PTPRN2: variants seen among roughly 807,000 people sequenced by gnomAD.
The protein encoded by PTPRN2 is protein tyrosine phosphatase receptor type N2.
In PTPRN2, 74 loss-of-function variants were observed where a neutral mutation model predicts 118.8. The ratio of observed to expected loss-of-function variants is 0.62; its 90% CI spans 0.52 to 0.76. The LOEUF is 0.76. PTPRN2 is among the 30% of genes least tolerant of loss of function. PTPRN2 has a pLI of 0.00. For missense variants in PTPRN2, 1,481 were observed against 1,394.4 expected (o/e 1.06, Z -0.99); for synonymous variants, 641 against 608.0 (o/e 1.05, Z -0.80).
chr7:157,651,556 C>A (rs1008299726), intron 14 of PTPRN2, among the ~76,000 whole-genome samples: 1 of 152,152 alleles, frequency 6.6e-6, no homozygotes, highest in Non-Finnish European at 1.5e-5. Context: ...CCGACTCAGG[C>A]GTAATTAGTC....
chr7:158,107,991 C>A (rs764738437), intron 10 of PTPRN2, among the ~76,000 whole-genome samples: 1 of 150,524 alleles, frequency 6.6e-6, no homozygotes, highest in Non-Finnish European at 1.5e-5. Flanking sequence ...TGGATCTCTG[C>A]ACCTCTGCTG....
intron 11 of PTPRN2, among the ~76,000 whole-genome samples, chr7:158,077,528 ATTCAGGGTCAGCACAGGAGCCCC>A (rs1563401800): frequency 0.012 from 1,008 of 83,152 alleles, 4 homozygotes; most frequent in African/African-American, 0.042. Flanking sequence ...TCACCCCACC[ATTCAGGGTCAGCACAGGAGCCCC>A]CTATGAGCCA....
intron 3 of PTPRN2, among the ~76,000 whole-genome samples, chr7:158,247,424 GC>G (rs201238348): frequency 8.3e-5 from 5 of 60,270 alleles, no homozygotes; most frequent in Admixed American, 3.7e-4. Context: ...GGAAGGAGTG[GC>G]CAGGGGTGCC....
intron 6 of PTPRN2, among the ~76,000 whole-genome samples, chr7:158,166,491 A>G (rs201808672): frequency 6.3e-4 from 16 of 25,598 alleles, no homozygotes; most frequent in Admixed American, 2.7e-3. Flanking sequence ...CTGTCCTCAC[A>G]CCCTCAGGAT....
intron 12 of PTPRN2, among the ~76,000 whole-genome samples, chr7:157,847,471 C>G (rs1280819811): frequency 1.0e-5 from 1 of 98,684 alleles, no homozygotes; most frequent in Non-Finnish European, 2.1e-5. Flanking sequence ...CTCCATCATG[C>G]GTGCCCGATG....
chr7:158,005,463 A>G (rs1236237971), intron 11 of PTPRN2, among the ~76,000 whole-genome samples: 2 of 152,226 alleles, frequency 1.3e-5, no homozygotes, highest in Non-Finnish European at 2.9e-5. Flanking sequence ...AAAAAATGCA[A>G]AGAGAAAGGT....
chr7:158,389,588 TG>T (rs1811763742), intron 2 of PTPRN2, among the ~76,000 whole-genome samples: 1 of 152,250 alleles, frequency 6.6e-6, no homozygotes, highest in Non-Finnish European at 1.5e-5. Flanking sequence ...TAATGGGATC[TG>T]CGAAAGATCA....
At chr7:158,502,597 G>A (rs1344256925) in intron 1 of PTPRN2, among the ~76,000 whole-genome samples, 2 of 152,248 alleles carry the variant, frequency 1.3e-5, no homozygotes, top group Non-Finnish European at 2.9e-5. Context: ...AAAAGGCTGT[G>A]TCAAGTGGTC....
chr7:157,765,885 C>T (rs1802440406), intron 12 of PTPRN2, among the ~76,000 whole-genome samples: 1 of 147,908 alleles, frequency 6.8e-6, no homozygotes, highest in Non-Finnish European at 1.5e-5. Flanking sequence ...TTACTCCATC[C>T]ATCCATCCAT....
At chr7:158,431,960 C>G (rs950830627) in intron 2 of PTPRN2, among the ~76,000 whole-genome samples, 2 of 152,256 alleles carry the variant, frequency 1.3e-5, no homozygotes, top group African/African-American at 4.8e-5. Context: ...CAAGTGCCAG[C>G]AGTGACAAGC....
At chr7:157,602,102 C>A (rs144972935) in intron 16 of PTPRN2, among the ~76,000 whole-genome samples, 4 of 152,312 alleles carry the variant, frequency 2.6e-5, no homozygotes, top group Non-Finnish European at 5.9e-5. Flanking sequence ...TCTTTGAAAC[C>A]CACACGGAAC....
At chr7:158,535,653 A>C (rs1416933676) in intron 1 of PTPRN2, among the ~76,000 whole-genome samples, 1 of 152,104 alleles carries the variant, frequency 6.6e-6, no homozygotes, top group African/African-American at 2.4e-5. Context: ...GGCAACCATT[A>C]GAAATTAGGC....
intron 1 of PTPRN2, among the ~76,000 whole-genome samples, chr7:158,582,584 T>C (rs559992973): frequency 9.2e-5 from 14 of 152,108 alleles, no homozygotes; most frequent in South Asian, 2.1e-4. Flanking sequence ...TTTTAATATT[T>C]TTTGTTCATT....
At chr7:157,809,042 T>C (rs1344525796) in intron 12 of PTPRN2, among the ~76,000 whole-genome samples, 1 of 152,272 alleles carries the variant, frequency 6.6e-6, no homozygotes, top group African/African-American at 2.4e-5. Context: ...TTATGTGGAA[T>C]GTGGGCAATT....
intron 1 of PTPRN2, among the ~76,000 whole-genome samples, chr7:158,582,657 T>C (rs1013976679): frequency 2.0e-5 from 3 of 151,896 alleles, no homozygotes; most frequent in African/African-American, 7.3e-5. Context: ...ATTAGCCTGG[T>C]GCAGAGGCAT....
intron 12 of PTPRN2, among the ~76,000 whole-genome samples, chr7:157,760,069 G>A (rs1203913436): frequency 2.0e-5 from 3 of 152,188 alleles, no homozygotes; most frequent in Non-Finnish European, 4.4e-5. Flanking sequence ...GGCCGCCAGG[G>A]TGCTGTCCCC....
intron 11 of PTPRN2, among the ~76,000 whole-genome samples, chr7:157,999,747 T>C (rs1805071530): frequency 6.6e-6 from 1 of 152,192 alleles, no homozygotes; most frequent in South Asian, 2.1e-4. Context: ...GTCTGAGACT[T>C]CACTGCACTT....
At chr7:158,106,609 T>A (rs544346631) in intron 10 of PTPRN2, among the ~76,000 whole-genome samples, 2 of 152,310 alleles carry the variant, frequency 1.3e-5, no homozygotes, top group African/African-American at 4.8e-5. Context: ...CAGGGGCTGA[T>A]GAAATGAGCC....
At chr7:157,982,320 GCC>G (rs1183592798) in intron 11 of PTPRN2, among the ~76,000 whole-genome samples, 31 of 87,688 alleles carry the variant, frequency 3.5e-4, no homozygotes, top group African/African-American at 5.1e-4. Flanking sequence ...GAGTCATAGA[GCC>G]AAGGAGGGGA....
Sources: allele counts gnomAD v4.1 joint callset (sites outside exome capture counted in the v4.1 genomes callset), GRCh38; gene constraint gnomAD v4.1.1; transcripts MANE v1.5; gene names NCBI Gene and HGNC (gene_info 2026-07-23, HGNC 2026-07-21).